SPECC1L: variants seen among roughly 807,000 people sequenced by gnomAD.
SPECC1L encodes the protein cytospin-A.
A neutral mutation model predicts 116.8 loss-of-function variants in SPECC1L; 40 were observed. The observed-to-expected ratio is 0.34, with a 90% CI of 0.27 to 0.45. The LOEUF (loss-of-function observed/expected upper bound fraction) is 0.45, where lower values mean the gene tolerates loss of function less well. SPECC1L is among the 20% of genes least tolerant of loss of function. The pLI is 1.00. For synonymous variants in SPECC1L, 504 were observed against 500.6 expected (o/e 1.01, Z -0.09); for missense variants, 1,110 against 1,373.6 (o/e 0.81, Z 3.03).
At chr22:24,330,666 G>A (rs931968981) in intron 8 of SPECC1L, among the ~76,000 whole-genome samples, 2 of 152,160 alleles carry the variant, frequency 1.3e-5, no homozygotes, top group African/African-American at 2.4e-5. Context: ...AGGGAGCCAG[G>A]ATGGTCTCTC....
At chr22:24,388,075 CTTT>C (rs148664403) in intron 14 of SPECC1L, among the ~76,000 whole-genome samples, 1 of 151,780 alleles carries the variant, frequency 6.6e-6, no homozygotes, top group Admixed American at 6.6e-5. Context: ...TCTTAAAATT[CTTT>C]TTTTATTATT....
intron 14 of SPECC1L, among the ~76,000 whole-genome samples, chr22:24,401,606 C>T (rs2042475302): frequency 6.6e-6 from 1 of 152,206 alleles, no homozygotes; most frequent in African/African-American, 2.4e-5. Flanking sequence ...TGTTCCTCTC[C>T]CTTGATTTTC....
chr22:24,302,522 A>G, intron 3 of SPECC1L, 138 bp downstream of exon 3: 1 of 1,115,748 alleles, frequency 9.0e-7, no homozygotes, highest in South Asian at 1.3e-5. Context: ...AAGAGAGCTT[A>G]CAGTGGGGTG....
intron 2 of SPECC1L, among the ~76,000 whole-genome samples, chr22:24,288,419 AC>A (rs1427163196): frequency 6.6e-6 from 1 of 152,010 alleles, no homozygotes; most frequent in East Asian, 1.9e-4. Flanking sequence ...ATTGTCCCCT[AC>A]CCCTCATTAA....
chr22:24,327,243 A>AC (rs2040839775), intron 6 of SPECC1L, among the ~76,000 whole-genome samples: 1 of 135,706 alleles, frequency 7.4e-6, no homozygotes, highest in Non-Finnish European at 1.5e-5. Flanking sequence ...ATGCCACTGC[A>AC]CTCCAGCCTG....
chr22:24,373,255 C>T (rs1340645365), intron 14 of SPECC1L, among the ~76,000 whole-genome samples: 2 of 152,158 alleles, frequency 1.3e-5, no homozygotes, highest in Non-Finnish European at 2.9e-5. Context: ...TGACTTTCTT[C>T]ACAGAATTGG....
At chr22:24,323,059 T>C in intron 5 of SPECC1L, 141 bp downstream of exon 5, 1 of 1,412,170 alleles carries the variant, frequency 7.1e-7, no homozygotes, top group Non-Finnish European at 9.2e-7. Context: ...AACTTGGGAA[T>C]GGTTTCCTTT....
rs543735003 is a variant in SPECC1L, at chr22:24,414,685, G to A, written c.*62G>A. 39 of 1,434,128 alleles carry A rather than the reference G, an allele frequency of 2.7e-5. No individual in the cohort carries two copies. Among genetic ancestry groups the A allele is most frequent in the African/African-American group, 1.4e-4 (10 of 71,750 alleles). 88.8% of individuals were successfully genotyped at this position (1,434,128 alleles called of 1,614,324 possible). On this transcript the variant is annotated 3_prime_UTR_variant, in exon 17 of 17. Coordinates refer to ENST00000314328, the MANE Select transcript of SPECC1L (RefSeq NM_015330.6). ...CCCTCCACAGCGACCGAGCGACACC[G>A]ACGCCATTAGCTACGCACCCCTGTA...
chr22:24,278,733 A>G (rs1244385023), intron 2 of SPECC1L, among the ~76,000 whole-genome samples: 1 of 152,218 alleles, frequency 6.6e-6, no homozygotes, highest in Non-Finnish European at 1.5e-5. Context: ...TTAGTAGTAT[A>G]AATACAGTAC....
In SPECC1L at chr22:24,321,898, A is replaced by G. The variant is rs1170761113; in HGVS notation, c.918A>G (p.Gly306=). The change falls in exon 5 of 17, where the codon GGA becomes GGG. Residue 306 remains glycine (G), a synonymous_variant. Transcript: ENST00000314328. ...TCACCCCTGGTAACCAGAGCGATGG[A>G]GGAGGAACTCTGACTTCTTCAGTGG... ...PEITPGNQSD[G]GGTLTSSVEG... is the part of the protein sequence containing the mutation. The G allele has an allele frequency of 1.2e-6, 2 of 1,614,114 alleles. No homozygotes were observed. The highest frequency in any genetic ancestry group is 1.7e-5 in the Admixed American group (1 of 60,012).
chr22:24,362,527 A>G (rs2041666305), intron 11 of SPECC1L, among the ~76,000 whole-genome samples: 1 of 152,238 alleles, frequency 6.6e-6, no homozygotes, highest in Non-Finnish European at 1.5e-5. Flanking sequence ...CCCTCAGACT[A>G]AAGTCCACAT....
chr22:24,272,110 G>A (rs1361736671), intron 1 of SPECC1L, among the ~76,000 whole-genome samples: 1 of 152,250 alleles, frequency 6.6e-6, no homozygotes, highest in Non-Finnish European at 1.5e-5. Flanking sequence ...GCCAGGCGCG[G>A]TGCCTCATGC....
chr22:24,324,491 C>T (rs1301004771), intron 6 of SPECC1L, 64 bp downstream of exon 6: 19 of 1,453,230 alleles, frequency 1.3e-5, no homozygotes, highest in Non-Finnish European at 1.8e-5. Flanking sequence ...GGATAATTTG[C>T]ATTTAGTAAT....
rs767691549 is a variant in SPECC1L at position 24,322,706 on chromosome 22, A to G, written c.1726A>G (p.Met576Val). Residue 576 changes from methionine (M) to valine (V), a missense_variant, in exon 5 of 17, where the codon ATG (methionine) becomes GTG (valine). Coordinates refer to ENST00000314328, the MANE Select transcript of SPECC1L (RefSeq NM_015330.6). ...CACAGTGGCCAGTGACCAGATAGAG[A>G]TGAATCGCCTGAAGGCTCAGCTGGA... ...KATVASDQIE[M>V]NRLKAQLENE... 1 of 1,599,534 alleles carries G rather than the reference A, an allele frequency of 6.3e-7. No individual in the cohort carries two copies. The highest frequency in any genetic ancestry group is 8.5e-7 in the Non-Finnish European group (1 of 1,173,660).
Position 24,274,847 on chromosome 22 carries a change from A to G in SPECC1L, c.-141-1853A>G, listed in dbSNP as rs55763208. Among the ~76,000 whole-genome samples, 1,184 of 151,744 alleles carry G rather than the reference A, an allele frequency of 7.8e-3. 9 individuals are homozygous for G. The highest frequency in any genetic ancestry group is 0.024 in the South Asian group (116 of 4,788). Reference sequence around the variant, plus strand: ...CTTTGACCCCTGTTCTCCTTCCCCTACCTCTGTTTAGGTGCTTCACTGAGC... The same window carrying G: ...CTTTGACCCCTGTTCTCCTTCCCCTGCCTCTGTTTAGGTGCTTCACTGAGC... On this transcript the variant is annotated intron_variant, in intron 1 of 16. Transcript: ENST00000314328.
Position 24,300,208 on chromosome 22 carries a change from C to T in SPECC1L, c.-37-1987C>T, listed in dbSNP as rs189115212. 2.0e-5 allele frequency among the ~76,000 whole-genome samples: 3 copies of T among 152,274 alleles called. No individual in the cohort carries two copies. In the East Asian group the frequency reaches 5.8e-4, roughly 29 times the overall value. ...GTCCTTGTATTCTCATTTTTCACCT[C>T]CACTTATGAGCAAGAACATGCAGTG... is the stretch of plus-strand genomic sequence containing the variant. On this transcript the variant is annotated intron_variant, in intron 2 of 16. Transcript: ENST00000314328.
rs34531254 is a variant in SPECC1L at position 24,402,326 on chromosome 22, G to A, written c.3088-9262G>A. Among the ~76,000 whole-genome samples, 1,498 of 151,960 alleles carry A rather than the reference G, an allele frequency of 9.9e-3. 15 individuals are homozygous for A. The highest frequency in any genetic ancestry group is 0.013 in the Non-Finnish European group (889 of 67,954). On this transcript the variant is annotated intron_variant, in intron 14 of 16. Transcript: ENST00000314328. ...CAGGTGCCCATTCATCACTCCCAGGGCATTCTGTGTTTAACAGCCACTACC... is the reference window on the plus strand; with the variant it reads ...CAGGTGCCCATTCATCACTCCCAGGACATTCTGTGTTTAACAGCCACTACC...
At chr22:24,298,950 C>T (rs204725) in intron 2 of SPECC1L, among the ~76,000 whole-genome samples, 21 of 152,164 alleles carry the variant, frequency 1.4e-4, no homozygotes, top group Non-Finnish European at 2.2e-4. Context: ...GAGTGATTCA[C>T]CTTTTTAGGT....
chr22:24,298,192 C>G (rs1382787027), intron 2 of SPECC1L, among the ~76,000 whole-genome samples: 10 of 151,962 alleles, frequency 6.6e-5, no homozygotes, highest in Admixed American at 6.6e-4. Flanking sequence ...TTTTGTCCAC[C>G]TATAGGTTAA....
Sources: allele counts gnomAD v4.1 joint callset (sites outside exome capture counted in the v4.1 genomes callset), GRCh38; gene constraint gnomAD v4.1.1; transcripts MANE v1.5; gene names NCBI Gene and HGNC (gene_info 2026-07-23, HGNC 2026-07-21).